Variants in STX12 observed in about 807,000 individuals in gnomAD.
STX12 encodes syntaxin 12.
Under a neutral mutation model 42.2 loss-of-function variants are expected in STX12, and 17 were observed. The observed-to-expected ratio is 0.40, with a 90% CI of 0.28 to 0.60. The LOEUF (loss-of-function observed/expected upper bound fraction) is 0.60, where lower values mean the gene tolerates loss of function less well. Ranked by LOEUF, STX12 falls within the 20% of genes least tolerant of loss-of-function variation. STX12 has a pLI of 0.39. For synonymous variants in STX12, 108 were observed against 116.7 expected, an observed-to-expected ratio of 0.93 and a Z score of 0.48; for missense variants, 297 against 330.9, an observed-to-expected ratio of 0.90 and a Z score of 0.79.
At chr1:27,801,040 T>C (rs1367369022) in intron 3 of STX12, among the ~76,000 whole-genome samples, 5 of 152,232 alleles carry the variant, frequency 3.3e-5, no homozygotes, top group Non-Finnish European at 2.9e-5. Flanking sequence ...CAGAGGTATT[T>C]ATTCTCTTTT....
intron 6 of STX12, among the ~76,000 whole-genome samples, chr1:27,814,570 C>G (rs542629601): frequency 6.6e-6 from 1 of 151,252 alleles, no homozygotes; most frequent in African/African-American, 2.4e-5. Flanking sequence ...AATTACTAGC[C>G]GGGCGCGGTG....
chr1:27,812,824 C>T (rs2088913341), intron 6 of STX12, among the ~76,000 whole-genome samples: 1 of 152,166 alleles, frequency 6.6e-6, no homozygotes, highest in South Asian at 2.1e-4. Flanking sequence ...ATACGGATCA[C>T]CACATCTTAT....
At chr1:27,774,698 G>A (rs945735245) in intron 1 of STX12, among the ~76,000 whole-genome samples, 5 of 151,592 alleles carry the variant, frequency 3.3e-5, no homozygotes, top group African/African-American at 4.9e-5. Context: ...TTATTTTTTC[G>A]AGACAGAGTC....
chr1:27,807,261 G>A (rs1344150695), intron 4 of STX12, among the ~76,000 whole-genome samples: 6 of 151,744 alleles, frequency 4.0e-5, no homozygotes, highest in African/African-American at 7.3e-5. Context: ...TATTATTGAC[G>A]ATAGTCACCC....
At chr1:27,799,619 G>GCGC (rs957278221) in intron 3 of STX12, among the ~76,000 whole-genome samples, 2 of 150,054 alleles carry the variant, frequency 1.3e-5, no homozygotes, top group African/African-American at 4.9e-5. Context: ...AGTGGCAAAG[G>GCGC]ACTACAGGCG....
At chr1:27,810,379 A>G (rs2148606036) in intron 5 of STX12, 90 bp downstream of exon 5, 1 of 1,305,850 alleles carries the variant, frequency 7.7e-7, no homozygotes, top group South Asian at 1.3e-5. Context: ...GAAAAAATAG[A>G]GGGCAAAAAT....
intron 4 of STX12, among the ~76,000 whole-genome samples, chr1:27,802,720 G>A (rs1243344275): frequency 6.6e-6 from 1 of 152,036 alleles, no homozygotes; most frequent in Non-Finnish European, 1.5e-5. Context: ...ATTTTTCTAG[G>A]GCAGTAAGTA....
chr1:27,803,182 A>T (rs537942042), intron 4 of STX12, among the ~76,000 whole-genome samples: 2 of 152,344 alleles, frequency 1.3e-5, no homozygotes, highest in Admixed American at 1.3e-4. Context: ...GAGTGATAAT[A>T]TTCTAGAACT....
chr1:27,803,101 G>A (rs1409302902), intron 4 of STX12, among the ~76,000 whole-genome samples: 2 of 152,148 alleles, frequency 1.3e-5, no homozygotes, highest in Non-Finnish European at 2.9e-5. Context: ...AAGATCTAAC[G>A]TAGTTTTAAC....
At chr1:27,816,176 A>T (rs939924710) in intron 6 of STX12, among the ~76,000 whole-genome samples, 1 of 152,066 alleles carries the variant, frequency 6.6e-6, no homozygotes, top group Non-Finnish European at 1.5e-5. Context: ...TTAGCCAGGC[A>T]TGGTGGTACA....
chr1:27,790,858 T>C (rs2088735583), intron 2 of STX12, among the ~76,000 whole-genome samples: 1 of 151,988 alleles, frequency 6.6e-6, no homozygotes, highest in African/African-American at 2.4e-5. Context: ...GGAAAATAGC[T>C]TGAACCCAGG....
At chr1:27,821,498 G>A in intron 8 of STX12, among the ~76,000 whole-genome samples, 1 of 149,924 alleles carries the variant, frequency 6.7e-6, no homozygotes, top group Non-Finnish European at 1.5e-5. Flanking sequence ...AAATCAGAAA[G>A]AAATACAAAA....
Position 27,819,716 on chromosome 1 carries a change from G to A in STX12, c.716G>A (p.Arg239Gln), listed in dbSNP as rs755681038. The A allele has an allele frequency of 7.4e-5, 120 of 1,613,654 alleles. No individual in the cohort carries two copies. The highest frequency in any genetic ancestry group is 4.9e-4 in the Middle Eastern group (3 of 6,084). Reference sequence around the variant, plus strand: ...GAAAGAGCCACTGAACAGTTACAGCGAGCTGCTTACTATCAGGTAAAAGCG... The same window carrying A: ...GAAAGAGCCACTGAACAGTTACAGCAAGCTGCTTACTATCAGGTAAAAGCG... ...HVERATEQLQ[R>Q]AAYYQKKSRK... is the part of the protein sequence containing the mutation. Residue 239 changes from arginine to glutamine, a missense_variant, in exon 8 of 9, where the codon CGA (arginine) becomes CAA (glutamine). Coordinates refer to ENST00000373943, the MANE Select transcript of STX12 (RefSeq NM_177424.3).
At chr1:27,788,065 G>A (rs966541008) in intron 1 of STX12, among the ~76,000 whole-genome samples, 1 of 152,126 alleles carries the variant, frequency 6.6e-6, no homozygotes, top group African/African-American at 2.4e-5. Context: ...AAAGCTGAAT[G>A]GCTGGAAGAG....
intron 1 of STX12, among the ~76,000 whole-genome samples, chr1:27,786,229 G>A (rs2088697203): frequency 6.6e-6 from 1 of 152,148 alleles, no homozygotes; most frequent in Non-Finnish European, 1.5e-5. Context: ...TGCTCACTCT[G>A]CTCTAGCCAC....
chr1:27,773,379 C>G lies in STX12; in HGVS notation c.72C>G (p.Ser24Arg), dbSNP rs759328462. The G allele has an allele frequency of 5.6e-6, 9 of 1,613,732 alleles. No homozygotes were observed. Among genetic ancestry groups the G allele is most frequent in the Non-Finnish European group, 6.8e-6 (8 of 1,179,808 alleles). Residue 24 changes from serine (S) to arginine (R), a missense_variant, in exon 1 of 9, where the codon AGC becomes AGG. Coordinates refer to ENST00000373943, the MANE Select transcript of STX12 (RefSeq NM_177424.3). ...PSGPQLRDFS[S>R]IIQTCSGNIQ... ...GGCCCCAGCTCCGGGACTTCAGCAG[C>G]ATCATCCAGACGTGCAGCGGCAACA...
At chr1:27,789,049 G>A (rs1323495733) in intron 1 of STX12, among the ~76,000 whole-genome samples, 1 of 152,066 alleles carries the variant, frequency 6.6e-6, no homozygotes, top group Admixed American at 6.6e-5. Flanking sequence ...TACATCTACT[G>A]GAGATTGCTG....
At chr1:27,777,328 G>A (rs890283496) in intron 1 of STX12, among the ~76,000 whole-genome samples, 3 of 152,112 alleles carry the variant, frequency 2.0e-5, no homozygotes, top group African/African-American at 7.2e-5. Flanking sequence ...TCTAGGTAGA[G>A]GGCAAGAGCA....
intron 4 of STX12, 23 bp from the exon 5 acceptor site, chr1:27,810,223 C>A: frequency 6.2e-7 from 1 of 1,612,556 alleles, no homozygotes; most frequent in Non-Finnish European, 8.5e-7. Flanking sequence ...ATGACAGCAG[C>A]AATAATACCA....
Sources: gnomAD v4.1 joint callset for allele counts (sites outside exome capture counted in the v4.1 genomes callset) on GRCh38, gnomAD v4.1.1 for gene constraint, MANE v1.5 for transcripts, NCBI Gene and HGNC (gene_info 2026-07-23, HGNC 2026-07-21) for gene names.